AGK: variants seen among roughly 807,000 people sequenced by gnomAD.
AGK encodes acylglycerol kinase, mitochondrial.
A neutral mutation model predicts 66.4 loss-of-function variants in AGK; 52 were observed. The observed-to-expected ratio is 0.78, with a 90% confidence interval of 0.63 to 0.99. The LOEUF (loss-of-function observed/expected upper bound fraction) is 0.99, where lower values mean the gene tolerates loss of function less well. Ranked by LOEUF, AGK falls within the 50% of genes least tolerant of loss-of-function variation. AGK has a pLI of 0.00. For synonymous variants in AGK, 182 were observed against 181.1 expected, an observed-to-expected ratio of 1.00 and a Z score of -0.04; for missense variants, 451 against 506.6, an observed-to-expected ratio of 0.89 and a Z score of 1.05.
chr7:141,641,876 A>AT lies in AGK; in HGVS notation c.944dup (p.Thr316HisfsTer5). 6.3e-7 allele frequency: 1 copy of AT among 1,584,716 alleles called. No homozygotes were observed. The highest frequency in any genetic ancestry group is 8.6e-7 in the Non-Finnish European group (1 of 1,164,766). Reference sequence around the variant, plus strand: ...GCAGCTGTCCACCATTGAACTGTCCATCACAACACGGAATAATCAGCTTGA... The same window carrying AT: ...GCAGCTGTCCACCATTGAACTGTCCATTCACAACACGGAATAATCAGCTTGA... On this transcript the variant is annotated frameshift_variant, in exon 13 of 16. Transcript: ENST00000649286. LOFTEE classifies it high-confidence loss of function.
At chr7:141,583,134 G>A (rs1464309660) in intron 2 of AGK, among the ~76,000 whole-genome samples, 5 of 151,860 alleles carry the variant, frequency 3.3e-5, no homozygotes, top group South Asian at 2.1e-4. Flanking sequence ...TGAAAGTGCC[G>A]TTTTCTGGCT....
intron 13 of AGK, 98 bp downstream of exon 13, chr7:141,642,006 C>A: frequency 9.1e-7 from 1 of 1,093,476 alleles, no homozygotes; most frequent in Non-Finnish European, 1.3e-6. Flanking sequence ...TATTTTTACC[C>A]TGTGGAGATA....
rs1345495126 is a variant in AGK at position 141,555,422 on chromosome 7, T to G, written c.-14-31T>G. 2.7e-6 allele frequency: 4 copies of G among 1,457,894 alleles called. No homozygotes were observed. Among genetic ancestry groups the G allele is most frequent in the Non-Finnish European group, 3.8e-6 (4 of 1,045,476 alleles). 90.3% of individuals were successfully genotyped at this position (1,457,894 alleles called of 1,614,324 possible). On this transcript the variant is annotated intron_variant, in intron 1 of 15. Coordinates refer to ENST00000649286, the MANE Select transcript of AGK (RefSeq NM_018238.4). This position sits in a 1 kb window ranked among gnomAD's most constrained non-coding sequence, Gnocchi z 4.2. ...ACATGAAGACCATGGATAAATTATA[T>G]TTTTTTCTCTTTCCGCCTCTACTAA...
intron 5 of AGK, among the ~76,000 whole-genome samples, chr7:141,609,834 G>A (rs1796542290): frequency 6.6e-6 from 1 of 152,126 alleles, no homozygotes; most frequent in African/African-American, 2.4e-5. Flanking sequence ...AGATTGAGAG[G>A]GCCTTGCCAT....
At chr7:141,619,503 T>G (rs755711075) in intron 8 of AGK, among the ~76,000 whole-genome samples, 3 of 152,012 alleles carry the variant, frequency 2.0e-5, no homozygotes, top group Non-Finnish European at 4.4e-5. Context: ...AAAGTAAACT[T>G]CAACCCATAC....
chr7:141,599,242 A>T (rs147721830), intron 4 of AGK: 2 of 152,298 alleles, frequency 1.3e-5, no homozygotes, highest in African/African-American at 4.8e-5. Context: ...TTAAAACTAC[A>T]TAAGAGCTTT....
intron 5 of AGK, among the ~76,000 whole-genome samples, chr7:141,609,576 AT>A (rs1796535871): frequency 6.6e-6 from 1 of 152,176 alleles, no homozygotes; most frequent in Admixed American, 6.5e-5. Flanking sequence ...GTGTTGAGGT[AT>A]TTGCTTCCAG....
chr7:141,554,972 T>C (rs1359089862), intron 1 of AGK, among the ~76,000 whole-genome samples: 1 of 152,216 alleles, frequency 6.6e-6, no homozygotes, highest in African/African-American at 2.4e-5. Context: ...TCTTTTCCTA[T>C]TGAGGACCTG....
At chr7:141,636,693 G>C (rs901555659) in intron 10 of AGK, among the ~76,000 whole-genome samples, 1 of 152,166 alleles carries the variant, frequency 6.6e-6, no homozygotes, top group Non-Finnish European at 1.5e-5. Flanking sequence ...TGTGAATTTA[G>C]TGACTCAAGG....
At chr7:141,590,090 A>C (rs1796078529) in intron 2 of AGK, among the ~76,000 whole-genome samples, 1 of 152,228 alleles carries the variant, frequency 6.6e-6, no homozygotes, top group Admixed American at 6.5e-5. Flanking sequence ...CAAGCTAATA[A>C]TCAGAATTTT....
chr7:141,589,106 CA>C (rs1220226814), intron 2 of AGK, among the ~76,000 whole-genome samples: 1 of 152,152 alleles, frequency 6.6e-6, no homozygotes, highest in East Asian at 1.9e-4. Flanking sequence ...TCTTTTTACC[CA>C]GCCCCTACTC....
chr7:141,630,435 ATAAG>A (rs1340696874), intron 9 of AGK, among the ~76,000 whole-genome samples: 1 of 152,206 alleles, frequency 6.6e-6, no homozygotes, highest in Non-Finnish European at 1.5e-5. Context: ...ACAAAAAAGG[ATAAG>A]TAAATGAGGT....
At chr7:141,561,794 C>T (rs1460347192) in intron 2 of AGK, among the ~76,000 whole-genome samples, 2 of 151,982 alleles carry the variant, frequency 1.3e-5, no homozygotes, top group African/African-American at 4.8e-5. Context: ...AAACTACCCA[C>T]AAGCAGAAGG....
intron 2 of AGK, among the ~76,000 whole-genome samples, chr7:141,560,795 CTTTTT>C (rs71172604): frequency 2.4e-5 from 3 of 124,008 alleles, no homozygotes; most frequent in Non-Finnish European, 3.3e-5. Context: ...GCCATTCTTT[CTTTTT>C]TTTTTTTTTT....
chr7:141,587,235 C>T (rs1796012243), intron 2 of AGK, among the ~76,000 whole-genome samples: 1 of 152,170 alleles, frequency 6.6e-6, no homozygotes, highest in Non-Finnish European at 1.5e-5. Flanking sequence ...TCTGTTGAGT[C>T]TGTCCTCTTC....
In AGK at chr7:141,636,970, C is replaced by G. The variant is rs778647068; in HGVS notation, c.679C>G (p.Leu227Val). The change falls in exon 11 of 16, where the codon CTT becomes GTT. Residue 227 changes from leucine (L) to valine (V), a missense_variant. By Grantham distance (32) the Leu-to-Val change is conservative (BLOSUM62 1). Transcript: ENST00000649286. ...TTGGTCTTTTCACAGGTACTGGTATCTTGGGCCTCTAAAAATCAAAGCAGC... is the reference window on the plus strand; with the variant it reads ...TTGGTCTTTTCACAGGTACTGGTATGTTGGGCCTCTAAAAATCAAAGCAGC... ...AGVKVSKYWY[L>V]GPLKIKAAHF... The G allele has an allele frequency of 2.5e-6, 4 of 1,612,462 alleles. No homozygotes were observed. The highest frequency in any genetic ancestry group is 3.4e-6 in the Non-Finnish European group (4 of 1,179,088).
chr7:141,593,125 C>G (rs778221042), intron 2 of AGK, 21 bp from the exon 3 acceptor site: 2 of 1,605,778 alleles, frequency 1.2e-6, no homozygotes, highest in South Asian at 2.2e-5. Context: ...AATGATTATT[C>G]TCTTTTGCTT....
intron 11 of AGK, 94 bp downstream of exon 11, chr7:141,637,111 A>ATTCATCT: frequency 3.0e-6 from 3 of 989,704 alleles, no homozygotes; most frequent in Non-Finnish European, 4.6e-6. Context: ...TCCTTGCTAC[A>ATTCATCT]GATGAATGTG....
At chr7:141,603,312 C>T (rs878946438) in intron 5 of AGK, among the ~76,000 whole-genome samples, 1 of 152,110 alleles carries the variant, frequency 6.6e-6, no homozygotes, top group Non-Finnish European at 1.5e-5. Flanking sequence ...TATTTTGAGA[C>T]TTAGGTCATT....
Sources: allele counts gnomAD v4.1 joint callset (sites outside exome capture counted in the v4.1 genomes callset), GRCh38; gene constraint gnomAD v4.1.1; non-coding constraint Gnocchi (gnomAD v3.1); transcripts MANE v1.5; gene names NCBI Gene and HGNC (gene_info 2026-07-23, HGNC 2026-07-21).